Variants in ADGRB2 observed in about 807,000 individuals in gnomAD.
The protein encoded by ADGRB2 is brain-specific angiogenesis inhibitor 2.
A neutral mutation model predicts 178.7 loss-of-function variants in ADGRB2; 47 were observed. The observed-to-expected ratio is 0.26, with a 90% CI of 0.21 to 0.34. The LOEUF (loss-of-function observed/expected upper bound fraction) is 0.34, where lower values mean the gene tolerates loss of function less well. Among genes scored for constraint, ADGRB2 ranks in the 10% least tolerant of loss-of-function variants. ADGRB2 has a pLI of 1.00. For missense variants in ADGRB2, 1,584 were observed against 2,180.8 expected, an observed-to-expected ratio of 0.73 and a Z score of 5.45; for synonymous variants, 870 against 912.4, an observed-to-expected ratio of 0.95 and a Z score of 0.84.
rs923433422 is a variant in ADGRB2 at position 31,757,248 on chromosome 1, C to T, written c.-27G>A. On this transcript the variant is annotated 5_prime_UTR_variant, in exon 3 of 33. Coordinates refer to ENST00000373658, the MANE Select transcript of ADGRB2 (RefSeq NM_001364857.2). ...ACTCTTGCTCTCCATCCCCGTGTGTCGTGATCAGCTGTGAGGCATGTCACC... is the reference window on the plus strand; with the variant it reads ...ACTCTTGCTCTCCATCCCCGTGTGTTGTGATCAGCTGTGAGGCATGTCACC... 5.0e-6 allele frequency: 8 copies of T among 1,613,988 alleles called. No individual in the cohort carries two copies. The highest frequency in any genetic ancestry group is 2.7e-5 in the African/African-American group (2 of 74,924).
chr1:31,751,294 T>C (rs1646558623), intron 4 of ADGRB2, among the ~76,000 whole-genome samples: 2 of 152,224 alleles, frequency 1.3e-5, no homozygotes, highest in South Asian at 4.1e-4. Context: ...AAATGTGCCA[T>C]TAAATGACAC....
In ADGRB2 at chr1:31,739,252, T is replaced by G. The variant is rs546170718; in HGVS notation, c.2495+56A>C. On this transcript the variant is annotated intron_variant, in intron 15 of 32. Coordinates refer to ENST00000373658, the MANE Select transcript of ADGRB2 (RefSeq NM_001364857.2). ...CAGCACTGGCTCAGTCCTCCTTCCCTTACCTGGGCCTTCCTGGACCCTCAG... is the reference window on the plus strand; with the variant it reads ...CAGCACTGGCTCAGTCCTCCTTCCCGTACCTGGGCCTTCCTGGACCCTCAG... 288 of 1,423,658 alleles carry G rather than the reference T, an allele frequency of 2.0e-4. 3 individuals carry two copies. In the South Asian group the frequency reaches 4.0e-3, roughly 20 times the overall value. The allele number at this position is 1,423,658 out of a possible 1,614,324, so 88.2% of individuals were successfully genotyped here.
chr1:31,730,618 G>C (rs536144930), intron 29 of ADGRB2, among the ~76,000 whole-genome samples, 182 bp downstream of exon 29: 1 of 152,338 alleles, frequency 6.6e-6, no homozygotes, highest in East Asian at 1.9e-4. Flanking sequence ...GTCCCAGCCT[G>C]TCTGAAGGAT....
At position 31,727,709 on chromosome 1, in the gene ADGRB2, T is replaced by G. The variant is rs1281122957; in HGVS notation, c.4573-104A>C. On this transcript the variant is annotated intron_variant, in intron 32 of 32. Transcript: ENST00000373658. This position sits in a 1 kb window ranked among gnomAD's most constrained non-coding sequence, Gnocchi z 4.4. ...CAGAGAGGGCTGGTAATGCCCAAAG[T>G]TATGGAGCAATCAGGTGTCAAGCAG... 8.1e-7 allele frequency: 1 copy of G among 1,231,682 alleles called. No homozygotes were observed. Among genetic ancestry groups the G allele is most frequent in the African/African-American group, 1.5e-5 (1 of 65,162 alleles). 76.3% of individuals were successfully genotyped at this position (1,231,682 alleles called of 1,614,324 possible). A position where few individuals can be genotyped will look rare whatever the true frequency, so the allele number is the denominator to read the frequency against.
At chr1:31,742,366 G>A in intron 7 of ADGRB2, 149 bp from the exon 8 acceptor site, 2 of 1,149,392 alleles carry the variant, frequency 1.7e-6, no homozygotes, top group Admixed American at 3.0e-5. Flanking sequence ...AGGGGGTTAT[G>A]AGGAAGGCTG....
Position 31,739,976 on chromosome 1 carries a change from C to T in ADGRB2, c.2117G>A (p.Gly706Asp). 2 of 1,614,154 alleles carry T rather than the reference C, an allele frequency of 1.2e-6. No individual in the cohort carries two copies. Among genetic ancestry groups the T allele is most frequent in the Admixed American group, 1.7e-5 (1 of 60,022 alleles). The change falls in exon 14 of 33, where the codon GGC becomes GAC. Residue 706 changes from glycine to aspartate, a missense_variant. Physicochemically the swap from Gly to Asp is moderately conservative, Grantham distance 94. This residue lies in a region of ADGRB2 where 62 missense variants were observed against 140.3 expected (regional missense o/e 0.44). Transcript: ENST00000373658. ...RVVEDFIHLVGDALKAFQSSL... is the reference protein window; with the variant it reads ...RVVEDFIHLVDDALKAFQSSL... ...GCTCTGGAAGGCCTTGAGAGCATCG[C>T]CCACCAGGTGAATGAAGTCCTCCAC...
At chr1:31,732,304 G>T in intron 27 of ADGRB2, 150 bp from the exon 28 acceptor site, 1 of 1,273,436 alleles carries the variant, frequency 7.9e-7, no homozygotes. Flanking sequence ...CAGAGCCCAG[G>T]CATGGCCTAC....
In ADGRB2 at chr1:31,739,613, G is replaced by A. The variant is rs140390564; in HGVS notation, c.2190C>T (p.Pro730=). The change falls in exon 15 of 33, where the codon CCC becomes CCT. Residue 730 remains proline (P), a synonymous_variant. Coordinates refer to ENST00000373658, the MANE Select transcript of ADGRB2 (RefSeq NM_001364857.2). ...DNLVISIQRE[P]VSAVSSDITF... ...TGATGTCACTGGACACAGCTGAGAC[G>A]GGCTCTCGCTGAATGCTGATCACTG... 46 of 1,595,324 alleles carry A rather than the reference G, an allele frequency of 2.9e-5. No individual in the cohort carries two copies. The highest frequency in any genetic ancestry group is 1.7e-4 in the Middle Eastern group (1 of 6,014).
chr1:31,738,783 C>G, intron 16 of ADGRB2, 49 bp downstream of exon 16: 1 of 1,606,808 alleles, frequency 6.2e-7, no homozygotes. Context: ...AGGCCTCTGG[C>G]CACCCAGGTT....
chr1:31,750,936 C>T (rs2149024418), intron 4 of ADGRB2, among the ~76,000 whole-genome samples: 1 of 152,252 alleles, frequency 6.6e-6, no homozygotes, highest in Non-Finnish European at 1.5e-5. Flanking sequence ...AGCCTCCCAC[C>T]ACAGAGAGCT....
At position 31,740,903 on chromosome 1, in the gene ADGRB2, A is replaced by G. The variant is rs974203857; in HGVS notation, c.1795-362T>C. On this transcript the variant is annotated intron_variant, in intron 11 of 32. Coordinates refer to ENST00000373658, the MANE Select transcript of ADGRB2 (RefSeq NM_001364857.2). The surrounding 1 kb of genome is among the most constrained non-coding windows in gnomAD (Gnocchi z 5.9). ...TGTGTGTGGGCGCGCGCGCACACAC[A>G]CACACACACACACACACACACACTG... Among the ~76,000 whole-genome samples the G allele has an allele frequency of 4.7e-5, 7 of 150,022 alleles. No homozygotes were observed. The highest frequency in any genetic ancestry group is 1.7e-4 in the African/African-American group (7 of 40,430).
In ADGRB2 at chr1:31,739,451, G is replaced by T; in HGVS notation, c.2352C>A (p.Gly784=). 1 of 1,601,866 alleles carries T rather than the reference G, an allele frequency of 6.2e-7. No individual in the cohort carries two copies. Among genetic ancestry groups the T allele is most frequent in the African/African-American group, 1.3e-5 (1 of 74,776 alleles). The part of the protein sequence containing the change: ...PATSGAAGSP[G]RGRGPGTVPP... ...GCACCGTTCCTGGGCCCCTCCCCCT[G>T]CCAGGGCTGCCTGCTGCCCCAGATG... The change falls in exon 15 of 33, where the codon GGC becomes GGA. Residue 784 remains glycine (G), a synonymous_variant. Coordinates refer to ENST00000373658, the MANE Select transcript of ADGRB2 (RefSeq NM_001364857.2).
chr1:31,748,027 C>A (rs1244196811), intron 4 of ADGRB2, among the ~76,000 whole-genome samples: 1 of 152,210 alleles, frequency 6.6e-6, no homozygotes, highest in Non-Finnish European at 1.5e-5. Context: ...GGGGCATCTA[C>A]CAGTCTGGCA....
chr1:31,748,477 T>C (rs780935610), intron 4 of ADGRB2, among the ~76,000 whole-genome samples: 1 of 152,274 alleles, frequency 6.6e-6, no homozygotes, highest in Non-Finnish European at 1.5e-5. Context: ...TGTCATTTAC[T>C]GAAACAAACA....
chr1:31,737,979 GCA>G (rs367678318), intron 18 of ADGRB2, among the ~76,000 whole-genome samples: 6 of 151,538 alleles, frequency 4.0e-5, no homozygotes, highest in Admixed American at 1.3e-4. Context: ...ACACACATGT[GCA>G]CACACACACA....
Position 31,741,265 on chromosome 1 carries a change from C to A in ADGRB2, c.1794+108G>T, listed in dbSNP as rs1052905605. ...AGGCACAGCCAGGCAGAAGTGGGCA[C>A]AGCATATGCCAAGGCACGTGGGAAC... On this transcript the variant is annotated intron_variant, in intron 11 of 32. Transcript: ENST00000373658. This position sits in a 1 kb window ranked among gnomAD's most constrained non-coding sequence, Gnocchi z 6.5. 8.6e-7 allele frequency: 1 copy of A among 1,160,174 alleles called. No individual in the cohort carries two copies. The highest frequency in any genetic ancestry group is 1.2e-6 in the Non-Finnish European group (1 of 812,122). 71.9% of individuals were successfully genotyped at this position (1,160,174 alleles called of 1,614,324 possible).
chr1:31,727,148 TCCCCTCCCCCCTC>T lies in ADGRB2; in HGVS notation c.*259_*271del, dbSNP rs1645031943. 2.4e-6 allele frequency: 1 copy of T among 412,398 alleles called. No homozygotes were observed. The highest frequency in any genetic ancestry group is 2.1e-5 in the African/African-American group (1 of 47,176). The allele number at this position is 412,398 out of a possible 1,614,324, so 25.5% of individuals were successfully genotyped here. A position where few individuals can be genotyped will look rare whatever the true frequency, so the allele number is the denominator to read the frequency against. ...GAGTGAAGTTTATTCCCAACAAAGT[TCCCCTCCCCCCTC>T]CCCAGCCCGGGACAGGGACGGACAG... On this transcript the variant is annotated 3_prime_UTR_variant, in exon 33 of 33. Transcript: ENST00000373658. The surrounding 1 kb of genome is among the most constrained non-coding windows in gnomAD (Gnocchi z 4.4).
In ADGRB2 at chr1:31,727,649, T is replaced by C. The variant is rs763340198; in HGVS notation, c.4573-44A>G. On this transcript the variant is annotated intron_variant, in intron 32 of 32. Transcript: ENST00000373658. The surrounding 1 kb of genome is among the most constrained non-coding windows in gnomAD (Gnocchi z 4.4). ...GGGCCGTGGAGATGGGCCAATATCC[T>C]TACCCATTGTACAGACGATCAAACT... 1.4e-6 allele frequency: 2 copies of C among 1,447,712 alleles called. No individual in the cohort carries two copies. Among genetic ancestry groups the C allele is most frequent in the East Asian group, 2.5e-5 (1 of 39,614 alleles). The allele number at this position is 1,447,712 out of a possible 1,614,324, so 89.7% of individuals were successfully genotyped here. A position where few individuals can be genotyped will look rare whatever the true frequency, so the allele number is the denominator to read the frequency against.
In ADGRB2 at chr1:31,732,467, G is replaced by A. The variant is rs376167788; in HGVS notation, c.3720+50C>T. 2.5e-6 allele frequency: 4 copies of A among 1,591,074 alleles called. No homozygotes were observed. The African/African-American group carries it at 4.0e-5, about 16-fold the overall frequency. ...AATGGTCTAGGGCAGGAGGATTGGG[G>A]TGGGGGGTGCCCAGAATCTGCCCAG... On this transcript the variant is annotated intron_variant, in intron 27 of 32. Coordinates refer to ENST00000373658, the MANE Select transcript of ADGRB2 (RefSeq NM_001364857.2).
Sources: allele counts gnomAD v4.1 joint callset (sites outside exome capture counted in the v4.1 genomes callset), GRCh38; gene constraint gnomAD v4.1.1; regional missense constraint gnomAD v4.1.1; non-coding constraint Gnocchi (gnomAD v3.1); transcripts MANE v1.5; gene names NCBI Gene and HGNC (gene_info 2026-07-23, HGNC 2026-07-21).